Variants in FANCC observed in about 807,000 individuals in gnomAD.
The protein encoded by FANCC is Fanconi anemia group C protein.
FANCC carries 55 observed loss-of-function variants against 71.3 expected under a neutral mutation model. The ratio of observed to expected loss-of-function variants is 0.77; its 90% CI spans 0.62 to 0.97. The LOEUF (loss-of-function observed/expected upper bound fraction) is 0.97. FANCC is among the 50% of genes least tolerant of loss of function. The pLI, the probability that FANCC is intolerant of heterozygous loss-of-function variation, is 0.00. For missense variants in FANCC, 678 were observed against 670.9 expected (o/e 1.01, Z -0.12); for synonymous variants, 275 against 244.9 (o/e 1.12, Z -1.15).
chr9:95,244,709 A>AAAAAC (rs1830850137), intron 3 of FANCC, among the ~76,000 whole-genome samples: 1 of 138,944 alleles, frequency 7.2e-6, no homozygotes, highest in Non-Finnish European at 1.6e-5. Flanking sequence ...AAAAAAAAAA[A>AAAAAC]AAAACCCAAC....
At chr9:95,175,552 G>A (rs1825961286) in intron 4 of FANCC, among the ~76,000 whole-genome samples, 1 of 152,218 alleles carries the variant, frequency 6.6e-6, no homozygotes, top group Non-Finnish European at 1.5e-5. Context: ...CATGTTGGTG[G>A]TGTTCTCTTC....
intron 7 of FANCC, among the ~76,000 whole-genome samples, chr9:95,146,281 G>T (rs1221980144): frequency 6.6e-6 from 1 of 151,938 alleles, no homozygotes; most frequent in Non-Finnish European, 1.5e-5. Context: ...GAGCCCAGGA[G>T]TTCAAGACCA....
chr9:95,176,562 AATTTAC>A (rs1826022521), intron 4 of FANCC, among the ~76,000 whole-genome samples: 1 of 152,244 alleles, frequency 6.6e-6, no homozygotes, highest in East Asian at 1.9e-4. Flanking sequence ...TGACAACCAC[AATTTAC>A]CAAGTGCTTA....
chr9:95,254,145 A>G (rs1049336825), intron 1 of FANCC, among the ~76,000 whole-genome samples: 3 of 152,288 alleles, frequency 2.0e-5, no homozygotes, highest in Non-Finnish European at 2.9e-5. Context: ...AGATGCTGGC[A>G]ATATTCTATT....
intron 1 of FANCC, chr9:95,294,647 C>A: frequency 6.3e-7 from 1 of 1,585,740 alleles, no homozygotes; most frequent in Admixed American, 1.7e-5. Flanking sequence ...ACCATGAGTT[C>A]TGGGTTTGAA....
intron 1 of FANCC, among the ~76,000 whole-genome samples, chr9:95,269,808 T>C (rs1588391833): frequency 6.6e-6 from 1 of 152,140 alleles, no homozygotes; most frequent in Admixed American, 6.5e-5. Flanking sequence ...TGTGGGTGTT[T>C]CTCGTAAGGT....
At chr9:95,126,791 T>TA (rs1459377507) in intron 8 of FANCC, 3 of 576,496 alleles carry the variant, frequency 5.2e-6, no homozygotes, top group Non-Finnish European at 9.4e-6. Context: ...TACAGGCAGC[T>TA]TATTCCTCTG....
intron 10 of FANCC, among the ~76,000 whole-genome samples, chr9:95,124,136 A>G (rs113663969): frequency 0.019 from 2,879 of 149,730 alleles, 121 homozygotes; most frequent in African/African-American, 0.068. Context: ...AAAAGTAGAA[A>G]TATCGGCTAA....
intron 7 of FANCC, among the ~76,000 whole-genome samples, chr9:95,143,053 A>G (rs1448617865): frequency 4.6e-5 from 7 of 152,218 alleles, no homozygotes. Flanking sequence ...CCAACTAGCT[A>G]TAAAATCAGA....
At chr9:95,106,725 T>C (rs529964218) in intron 14 of FANCC, among the ~76,000 whole-genome samples, 59 of 152,348 alleles carry the variant, frequency 3.9e-4, no homozygotes, top group African/African-American at 1.4e-3. Context: ...GTGGCCTTAC[T>C]TCTTTCCATG....
rs1322193324 is a variant in FANCC, at chr9:95,101,701, T to G, written c.*6A>C. The G allele has an allele frequency of 1.2e-6, 2 of 1,613,616 alleles. No individual in the cohort carries two copies. The highest frequency in any genetic ancestry group is 1.1e-5 in the South Asian group (1 of 91,052). On this transcript the variant is annotated 3_prime_UTR_variant, in exon 15 of 15. Coordinates refer to ENST00000289081, the MANE Select transcript of FANCC (RefSeq NM_000136.3). Reference sequence around the variant, plus strand: ...ACGCCGGGCACCCACACGGCCTGCGTGCCTTCTAGACTTGAGTTCGCAGCT... The same window carrying G: ...ACGCCGGGCACCCACACGGCCTGCGGGCCTTCTAGACTTGAGTTCGCAGCT...
At chr9:95,107,732 C>G (rs868095744) in intron 13 of FANCC, among the ~76,000 whole-genome samples, 32 of 151,938 alleles carry the variant, frequency 2.1e-4, no homozygotes, top group African/African-American at 7.5e-4. Flanking sequence ...GGCGGGGGGT[C>G]GGGGGGAACA....
At chr9:95,276,313 C>A (rs16912061) in intron 1 of FANCC, among the ~76,000 whole-genome samples, 4,950 of 152,220 alleles carry the variant, frequency 0.033, 281 homozygotes, top group African/African-American at 0.11. Context: ...CTGACTTAGT[C>A]TGCAGAATAT....
intron 1 of FANCC, among the ~76,000 whole-genome samples, chr9:95,313,361 G>A (rs1835528958): frequency 6.6e-6 from 1 of 152,248 alleles, no homozygotes; most frequent in South Asian, 2.1e-4. Flanking sequence ...GCTGGCGATG[G>A]AGAAGGCGCG....
At chr9:95,267,431 C>T (rs930335897) in intron 1 of FANCC, among the ~76,000 whole-genome samples, 1 of 152,016 alleles carries the variant, frequency 6.6e-6, no homozygotes, top group Non-Finnish European at 1.5e-5. Context: ...CAGACAGAGA[C>T]AAGCAGAATG....
chr9:95,219,574 A>G (rs908849169), intron 4 of FANCC, among the ~76,000 whole-genome samples: 1 of 152,130 alleles, frequency 6.6e-6, no homozygotes, highest in Non-Finnish European at 1.5e-5. Context: ...AAACAACCCT[A>G]AAGAAATACA....
intron 10 of FANCC, among the ~76,000 whole-genome samples, chr9:95,122,492 T>C (rs76823408): frequency 3.3e-5 from 5 of 152,270 alleles, no homozygotes; most frequent in African/African-American, 1.2e-4. Flanking sequence ...AGACTTTCCT[T>C]TCCTTTGTTG....
chr9:95,110,475 T>C lies in FANCC; in HGVS notation c.1329+988A>G, dbSNP rs577705258. The C allele has an allele frequency of 2.0e-5, 21 of 1,030,312 alleles. 1 individual carries two copies. The East Asian group carries it at 1.1e-3, about 55-fold the overall frequency. The allele number at this position is 1,030,312 out of a possible 1,614,324, so 63.8% of individuals were successfully genotyped here. ...GGGAAGAAATAAAAAGCTTTCTTTTTAATCAGACAGCAATCCTCAAATACA... is the reference window on the plus strand; with the variant it reads ...GGGAAGAAATAAAAAGCTTTCTTTTCAATCAGACAGCAATCCTCAAATACA... On this transcript the variant is annotated intron_variant, in intron 13 of 14. Coordinates refer to ENST00000289081, the MANE Select transcript of FANCC (RefSeq NM_000136.3).
At chr9:95,135,611 C>T in intron 7 of FANCC, 109 bp from the exon 8 acceptor site, 1 of 897,654 alleles carries the variant, frequency 1.1e-6, no homozygotes, top group Non-Finnish European at 1.8e-6. Flanking sequence ...GACTTCTCAT[C>T]ATGGTCACAG....
Sources: gnomAD v4.1 joint callset for allele counts (sites outside exome capture counted in the v4.1 genomes callset) on GRCh38, gnomAD v4.1.1 for gene constraint, MANE v1.5 for transcripts, NCBI Gene and HGNC (gene_info 2026-07-23, HGNC 2026-07-21) for gene names.